The following OVGP1 variants were observed in gnomAD, a reference collection of about 807,000 sequenced individuals.
OVGP1 encodes oviductal glycoprotein 1.
In OVGP1, 26 loss-of-function variants were observed where a neutral mutation model predicts 48.2. That is an observed-to-expected ratio of 0.54 (90% CI 0.40 to 0.75). OVGP1 has a LOEUF of 0.75. OVGP1 is among the 30% of genes least tolerant of loss of function. The pLI is 0.00. For synonymous variants in OVGP1, 294 were observed against 305.7 expected, an observed-to-expected ratio of 0.96 and a Z score of 0.40; for missense variants, 791 against 820.6, an observed-to-expected ratio of 0.96 and a Z score of 0.44.
intron 9 of OVGP1, among the ~76,000 whole-genome samples, chr1:111,417,804 T>A (rs1437677546): frequency 6.6e-6 from 1 of 152,214 alleles, no homozygotes; most frequent in Non-Finnish European, 1.5e-5. Context: ...AGATGTTCAA[T>A]TCACCTGCAT....
chr1:111,426,677 C>T, intron 2 of OVGP1, 36 bp from the exon 3 acceptor site: 1 of 1,600,658 alleles, frequency 6.2e-7, no homozygotes, highest in African/African-American at 1.3e-5. Context: ...TGGCAAAAAC[C>T]AAGGGAGGGG....
chr1:111,414,876 G>A lies in OVGP1; in HGVS notation c.1625C>T (p.Pro542Leu). The change falls in exon 11 of 11, where the codon CCT becomes CTT. Residue 542 changes from proline to leucine, a missense_variant. Physicochemically the swap from Pro to Leu is moderately conservative, Grantham distance 98. Coordinates refer to ENST00000369732, the MANE Select transcript of OVGP1 (RefSeq NM_002557.4). ...GACAGGGGTCATAGTCGTTCCTCCA[G>A]GGCTCACAGACTGATGACTCACAGG... ...VTPVSHQSVS[P>L]GGTTMTPVHF... is the part of the protein sequence containing the mutation. The A allele has an allele frequency of 2.6e-6, 4 of 1,553,214 alleles. No individual in the cohort carries two copies. The highest frequency in any genetic ancestry group is 3.5e-6 in the Non-Finnish European group (4 of 1,145,374).
chr1:111,414,994 T>TCA lies in OVGP1; in HGVS notation c.1505_1506dup (p.Thr503Ter), dbSNP rs1275059335. On this transcript the variant is annotated frameshift_variant, in exon 11 of 11. Coordinates refer to ENST00000369732, the MANE Select transcript of OVGP1 (RefSeq NM_002557.4). LOFTEE classifies it low-confidence loss of function (END_TRUNC). ...GAGGTCAGGGTCTTCTGTCCAGTGG[T>TCA]CACAGATTGATGACCCACAGGGGTC... 1.3e-6 allele frequency: 2 copies of TCA among 1,599,586 alleles called. No homozygotes were observed. The highest frequency in any genetic ancestry group is 4.5e-5 in the East Asian group (2 of 44,484).
chr1:111,426,067 C>T (rs931153490), intron 3 of OVGP1, among the ~76,000 whole-genome samples: 3 of 152,106 alleles, frequency 2.0e-5, no homozygotes, highest in Non-Finnish European at 2.9e-5. Flanking sequence ...AGTAGCTCAC[C>T]GGTAACAAAC....
intron 9 of OVGP1, 91 bp downstream of exon 9, chr1:111,419,519 C>A: frequency 1.3e-6 from 1 of 789,060 alleles, no homozygotes; most frequent in Admixed American, 1.9e-5. Context: ...TCACTCTCCA[C>A]CCAATACACA....
At chr1:111,415,550 C>A (rs915635589) in intron 10 of OVGP1, among the ~76,000 whole-genome samples, 1 of 152,160 alleles carries the variant, frequency 6.6e-6, no homozygotes, top group Non-Finnish European at 1.5e-5. Context: ...GTTCACAGGT[C>A]CCAGACACCC....
intron 3 of OVGP1, among the ~76,000 whole-genome samples, chr1:111,425,958 GA>G: frequency 6.6e-6 from 1 of 152,186 alleles, no homozygotes; most frequent in Admixed American, 6.5e-5. Flanking sequence ...CCGGAGAGAG[GA>G]AAATGTAAGC....
chr1:111,425,110 G>C (rs1652365087), intron 4 of OVGP1, among the ~76,000 whole-genome samples: 1 of 152,178 alleles, frequency 6.6e-6, no homozygotes, highest in South Asian at 2.1e-4. Flanking sequence ...TCTTATGAAA[G>C]GTTGAGGAAA....
intron 8 of OVGP1, 24 bp downstream of exon 8, chr1:111,421,252 G>A: frequency 6.3e-7 from 1 of 1,577,252 alleles, no homozygotes; most frequent in South Asian, 1.2e-5. Context: ...CTAACTGCTA[G>A]ACAGAGACTG....
chr1:111,415,715 G>C (rs1006256796), intron 10 of OVGP1, among the ~76,000 whole-genome samples: 2 of 152,142 alleles, frequency 1.3e-5, no homozygotes, highest in Admixed American at 6.5e-5. Context: ...CTTGATGAAT[G>C]CTCAAGGAGA....
intron 8 of OVGP1, among the ~76,000 whole-genome samples, chr1:111,420,492 A>G (rs1652240696): frequency 6.6e-6 from 1 of 152,182 alleles, no homozygotes; most frequent in African/African-American, 2.4e-5. Flanking sequence ...ACTACTGCCT[A>G]AAGTACTCAC....
At chr1:111,418,080 GA>G (rs1377898799) in intron 9 of OVGP1, among the ~76,000 whole-genome samples, 1 of 152,204 alleles carries the variant, frequency 6.6e-6, no homozygotes, top group Non-Finnish European at 1.5e-5. Flanking sequence ...GGAACTCTGA[GA>G]AATCCAGGGT....
intron 5 of OVGP1, 107 bp from the exon 6 acceptor site, chr1:111,423,158 G>GA: frequency 7.1e-7 from 1 of 1,403,020 alleles, no homozygotes; most frequent in Non-Finnish European, 9.8e-7. Context: ...CCAGGCTCTG[G>GA]GACACGAAGG....
intron 9 of OVGP1, among the ~76,000 whole-genome samples, chr1:111,418,150 A>G (rs1440132703): frequency 6.6e-6 from 1 of 152,130 alleles, no homozygotes; most frequent in African/African-American, 2.4e-5. Flanking sequence ...TTCTATGTCA[A>G]AATCCCTTAA....
In OVGP1 at chr1:111,415,177, T is replaced by G; in HGVS notation, c.1324A>C (p.Met442Leu). The G allele has an allele frequency of 6.2e-7, 1 of 1,614,174 alleles. No homozygotes were observed. The highest frequency in any genetic ancestry group is 8.5e-7 in the Non-Finnish European group (1 of 1,180,024). Residue 442 changes from methionine (M) to leucine (L), a missense_variant, in exon 11 of 11, where the codon ATG becomes CTG. Coordinates refer to ENST00000369732, the MANE Select transcript of OVGP1 (RefSeq NM_002557.4). ...VTEIHGKCEN[M>L]TITPRGTTVT... is the part of the protein sequence containing the mutation. ...GTTGTACCTCTAGGGGTTATAGTCA[T>G]ATTTTCACACTTTCCGTGGATCTCA...
chr1:111,423,857 T>C (rs1652334252), intron 4 of OVGP1, 149 bp from the exon 5 acceptor site: 1 of 703,112 alleles, frequency 1.4e-6, no homozygotes, highest in East Asian at 2.7e-5. Context: ...TCCCACCTTC[T>C]TATATGCCTC....
At chr1:111,418,140 T>C (rs986548968) in intron 9 of OVGP1, among the ~76,000 whole-genome samples, 4 of 152,188 alleles carry the variant, frequency 2.6e-5, no homozygotes, top group African/African-American at 9.7e-5. Flanking sequence ...AGCTCTGATA[T>C]TCTATGTCAA....
intron 9 of OVGP1, among the ~76,000 whole-genome samples, chr1:111,419,354 C>A (rs1394410003): frequency 6.6e-6 from 1 of 152,102 alleles, no homozygotes; most frequent in Admixed American, 6.5e-5. Context: ...AAAAGATCAT[C>A]GAAAAGCTGT....
chr1:111,421,390 A>G lies in OVGP1; in HGVS notation c.789T>C (p.Tyr263=), dbSNP rs775660137. The G allele has an allele frequency of 3.3e-5, 53 of 1,613,960 alleles. No homozygotes were observed. Among genetic ancestry groups the G allele is most frequent in the Non-Finnish European group, 4.3e-5 (51 of 1,179,988 alleles). Residue 263 remains tyrosine (Y), a synonymous_variant, in exon 8 of 11, where the codon TAT becomes TAC. Transcript: ENST00000369732. ...CTTTGAGGAGGCGAAAGGTACGTCC[A>G]TAGGTGGGGATCCCCATGATGAGCT... ...SEKLIMGIPT[Y]GRTFRLLKAS...
Sources: gnomAD v4.1 joint callset for allele counts (sites outside exome capture counted in the v4.1 genomes callset) on GRCh38, gnomAD v4.1.1 for gene constraint, MANE v1.5 for transcripts, NCBI Gene and HGNC (gene_info 2026-07-23, HGNC 2026-07-21) for gene names.